Variants in ZC2HC1B observed in about 807,000 individuals in gnomAD.
The protein encoded by ZC2HC1B is zinc finger C2HC-type containing 1B, also known as zinc finger C2HC domain-containing protein 1B.
Under a neutral mutation model 31.0 loss-of-function variants are expected in ZC2HC1B, and 36 were observed. The ratio of observed to expected loss-of-function variants is 1.16; its 90% confidence interval spans 0.89 to 1.54. ZC2HC1B has a LOEUF of 1.54. Ranked by LOEUF, ZC2HC1B falls within the 40% of genes most tolerant of loss-of-function variation. ZC2HC1B has a pLI of 0.00. For missense variants in ZC2HC1B, 260 were observed against 268.6 expected, an observed-to-expected ratio of 0.97 and a Z score of 0.22; for synonymous variants, 73 against 88.0, an observed-to-expected ratio of 0.83 and a Z score of 0.95.
At chr6:143,907,600 G>A (rs1777811728) in intron 6 of ZC2HC1B, among the ~76,000 whole-genome samples, 1 of 152,116 alleles carries the variant, frequency 6.6e-6, no homozygotes, top group South Asian at 2.1e-4. Context: ...GTCTGTTCAT[G>A]TCCTTTGCCT....
intron 6 of ZC2HC1B, among the ~76,000 whole-genome samples, chr6:143,928,981 C>A (rs1778085587): frequency 6.6e-6 from 1 of 151,952 alleles, no homozygotes; most frequent in African/African-American, 2.4e-5. Flanking sequence ...ATCTAGCAGT[C>A]TTTTGGAGAG....
chr6:143,919,461 G>GA (rs1777962740), intron 6 of ZC2HC1B, among the ~76,000 whole-genome samples: 1 of 152,122 alleles, frequency 6.6e-6, no homozygotes, highest in Non-Finnish European at 1.5e-5. Context: ...TAAAAGGAGA[G>GA]AAGGGCACTG....
chr6:143,900,733 A>G lies in ZC2HC1B; in HGVS notation c.489+2042A>G, dbSNP rs561404013. The stretch of plus-strand genomic sequence containing the variant: ...GGTTGACAATAAGGTTTTCAGCTCC[A>G]GAGCCTGGAGAGACAGGAAGACAAT... On this transcript the variant is annotated intron_variant, in intron 5 of 7. Transcript: ENST00000237275. 6.0e-4 allele frequency among the ~76,000 whole-genome samples: 92 copies of G among 152,360 alleles called. No individual in the cohort carries two copies. The Middle Eastern group carries it at 0.01, about 17-fold the overall frequency.
chr6:143,912,534 T>G (rs1777872410), intron 6 of ZC2HC1B, among the ~76,000 whole-genome samples: 1 of 152,222 alleles, frequency 6.6e-6, no homozygotes, highest in East Asian at 1.9e-4. Flanking sequence ...GGGTCCACTC[T>G]AAACCTTAGT....
rs901048085 is a variant in ZC2HC1B, at chr6:143,903,486, T to C, written c.598+334T>C. 1.4e-4 allele frequency among the ~76,000 whole-genome samples: 22 copies of C among 152,302 alleles called. No homozygotes were observed. The East Asian group carries it at 3.9e-3, about 27-fold the overall frequency. Reference sequence around the variant, plus strand: ...GTGTTGAAAATAAGGGGAAAGTTTCTTTTCTAGAAATAAATACAGATCCTC... The same window carrying C: ...GTGTTGAAAATAAGGGGAAAGTTTCCTTTCTAGAAATAAATACAGATCCTC... On this transcript the variant is annotated intron_variant, in intron 6 of 7. Coordinates refer to ENST00000237275, the MANE Select transcript of ZC2HC1B (RefSeq NM_001013623.3). The surrounding 1 kb of genome is among the most constrained non-coding windows in gnomAD (Gnocchi z 4.3).
At chr6:143,876,782 C>CCA (rs1034075777) in intron 1 of ZC2HC1B, among the ~76,000 whole-genome samples, 1 of 150,568 alleles carries the variant, frequency 6.6e-6, no homozygotes, top group Non-Finnish European at 1.5e-5. Context: ...CTAGAAGCAT[C>CCA]CAGCACAGGA....
intron 6 of ZC2HC1B, among the ~76,000 whole-genome samples, chr6:143,929,409 C>A (rs1778091013): frequency 6.6e-6 from 1 of 152,200 alleles, no homozygotes; most frequent in Admixed American, 6.5e-5. Flanking sequence ...GTTGTACCAA[C>A]CTTGCATCCC....
intron 4 of ZC2HC1B, among the ~76,000 whole-genome samples, chr6:143,893,487 G>A (rs974525011): frequency 2.0e-5 from 3 of 151,992 alleles, no homozygotes; most frequent in Non-Finnish European, 4.4e-5. Context: ...AAAATCATTT[G>A]AACCTGGAGG....
At position 143,886,016 on chromosome 6, in the gene ZC2HC1B, A is replaced by T; in HGVS notation, c.91-16A>T. ...GTGCACTTTAGAAATTCCAATCCCT[A>T]CTCTTCGTTTTCTAGGAAAGGCATG... On this transcript the variant is annotated splice_polypyrimidine_tract_variant and intron_variant, in intron 2 of 7. Coordinates refer to ENST00000237275, the MANE Select transcript of ZC2HC1B (RefSeq NM_001013623.3). This position sits in a 1 kb window ranked among gnomAD's most constrained non-coding sequence, Gnocchi z 4.2. 6.6e-7 allele frequency: 1 copy of T among 1,512,940 alleles called. No individual in the cohort carries two copies. The highest frequency in any genetic ancestry group is 2.5e-5 in the East Asian group (1 of 40,072). 93.7% of individuals were successfully genotyped at this position (1,512,940 alleles called of 1,614,324 possible).
rs1777340783 is a variant in ZC2HC1B at position 143,871,802 on chromosome 6, C to G, written c.28+7235C>G. Among the ~76,000 whole-genome samples, 1 of 152,202 alleles carries G rather than the reference C, an allele frequency of 6.6e-6. No individual in the cohort carries two copies. Among genetic ancestry groups the G allele is most frequent in the Non-Finnish European group, 1.5e-5 (1 of 68,030 alleles). ...CCATAATAATCCTCACCCGACCAAT[C>G]AGGGAGCCAATGTGGGGGTTCTGCC... On this transcript the variant is annotated intron_variant, in intron 1 of 7. Transcript: ENST00000237275. The surrounding 1 kb of genome is among the most constrained non-coding windows in gnomAD (Gnocchi z 4.1).
intron 1 of ZC2HC1B, among the ~76,000 whole-genome samples, chr6:143,873,601 A>G (rs969575277): frequency 1.3e-5 from 2 of 152,228 alleles, no homozygotes; most frequent in Non-Finnish European, 2.9e-5. Context: ...TCTAGGGGGA[A>G]GTTCCCAAAC....
intron 1 of ZC2HC1B, among the ~76,000 whole-genome samples, chr6:143,881,336 A>C (rs992754825): frequency 6.6e-6 from 1 of 152,014 alleles, no homozygotes; most frequent in African/African-American, 2.4e-5. Context: ...GGACTGCTTG[A>C]GCCCAAGAGT....
In ZC2HC1B at chr6:143,885,454, G is replaced by A. The variant is rs1777520177; in HGVS notation, c.91-578G>A. Reference sequence around the variant, plus strand: ...TTTCCTAAGCCTATTTCTAGGCTATGGAGGGCATTGATCAAATGATTTGAT... The same window carrying A: ...TTTCCTAAGCCTATTTCTAGGCTATAGAGGGCATTGATCAAATGATTTGAT... On this transcript the variant is annotated intron_variant, in intron 2 of 7. Transcript: ENST00000237275. This position sits in a 1 kb window ranked among gnomAD's most constrained non-coding sequence, Gnocchi z 4.2. Among the ~76,000 whole-genome samples the A allele has an allele frequency of 6.6e-6, 1 of 152,222 alleles. No individual in the cohort carries two copies. The highest frequency in any genetic ancestry group is 1.5e-5 in the Non-Finnish European group (1 of 68,042).
Position 143,908,806 on chromosome 6 carries a change from G to A in ZC2HC1B, c.598+5654G>A, listed in dbSNP as rs575059308. On this transcript the variant is annotated intron_variant, in intron 6 of 7. Coordinates refer to ENST00000237275, the MANE Select transcript of ZC2HC1B (RefSeq NM_001013623.3). This position sits in a 1 kb window ranked among gnomAD's most constrained non-coding sequence, Gnocchi z 4.4. The stretch of plus-strand genomic sequence containing the variant: ...CTGATTGCCCTGGACAGAACTTCCA[G>A]TACTATGTTCAATAGGAGTGGTGAG... Among the ~76,000 whole-genome samples the A allele has an allele frequency of 8.5e-5, 13 of 152,108 alleles. No homozygotes were observed. Among genetic ancestry groups the A allele is most frequent in the Non-Finnish European group, 1.8e-4 (12 of 68,024 alleles).
rs114763553 is a variant in ZC2HC1B, at chr6:143,913,557, C to T, written c.598+10405C>T. On this transcript the variant is annotated intron_variant, in intron 6 of 7. Transcript: ENST00000237275. This position sits in a 1 kb window ranked among gnomAD's most constrained non-coding sequence, Gnocchi z 5.7. ...CCTTCCTAGGGATATATGCAGACCA[C>T]CTACCTTGCCTGTGTTGCAGAAAGA... Among the ~76,000 whole-genome samples the T allele has an allele frequency of 8.3e-3, 1,259 of 152,312 alleles. 22 individuals carry two copies. Among genetic ancestry groups the T allele is most frequent in the African/African-American group, 0.027 (1,130 of 41,560 alleles).
chr6:143,899,979 A>G lies in ZC2HC1B; in HGVS notation c.489+1288A>G, dbSNP rs1369399788. ...AGGCAAGCAAACTTTTTGCCCTTAA[A>G]TATCAAAATGGGTTCACCAGCCTAG... On this transcript the variant is annotated intron_variant, in intron 5 of 7. Transcript: ENST00000237275. The surrounding 1 kb of genome is among the most constrained non-coding windows in gnomAD (Gnocchi z 5.0). 6.6e-6 allele frequency among the ~76,000 whole-genome samples: 1 copy of G among 152,230 alleles called. No homozygotes were observed.
chr6:143,930,640 G>A (rs779388385), intron 6 of ZC2HC1B, among the ~76,000 whole-genome samples: 3 of 152,060 alleles, frequency 2.0e-5, no homozygotes, highest in African/African-American at 7.2e-5. Context: ...GCCTCCCAAA[G>A]TGCTGGGATT....
Position 143,933,285 on chromosome 6 carries a change from G to GGT in ZC2HC1B, c.599-4362_599-4361dup, listed in dbSNP as rs1582980604. 6.6e-6 allele frequency among the ~76,000 whole-genome samples: 1 copy of GGT among 152,156 alleles called. No homozygotes were observed. The highest frequency in any genetic ancestry group is 2.4e-5 in the African/African-American group (1 of 41,418). ...GTTGGTTAACCTTGAGCCAGGAGGTGGTGCTTTTGAGAGTGCGCCAGCCAG... is the reference window on the plus strand; with the variant it reads ...GTTGGTTAACCTTGAGCCAGGAGGTGGTGTGCTTTTGAGAGTGCGCCAGCCAG... On this transcript the variant is annotated intron_variant, in intron 6 of 7. Transcript: ENST00000237275. This position sits in a 1 kb window ranked among gnomAD's most constrained non-coding sequence, Gnocchi z 6.4.
intron 6 of ZC2HC1B, among the ~76,000 whole-genome samples, chr6:143,907,671 T>C (rs1411833616): frequency 1.3e-5 from 2 of 152,238 alleles, no homozygotes; most frequent in Non-Finnish European, 2.9e-5. Context: ...AGATGCTACA[T>C]ATTTGACCTT....
Sources: allele counts gnomAD v4.1 joint callset (sites outside exome capture counted in the v4.1 genomes callset), GRCh38; gene constraint gnomAD v4.1.1; non-coding constraint Gnocchi (gnomAD v3.1); transcripts MANE v1.5; gene names NCBI Gene and HGNC (gene_info 2026-07-23, HGNC 2026-07-21).